Variants in KDM2B observed in about 807,000 individuals in gnomAD.
KDM2B encodes the protein lysine demethylase 2B.
A neutral mutation model predicts 150.0 loss-of-function variants in KDM2B; 26 were observed. That is an observed-to-expected ratio of 0.17 (90% confidence interval 0.13 to 0.24). The LOEUF (loss-of-function observed/expected upper bound fraction) is 0.24, where lower values mean the gene tolerates loss of function less well. KDM2B is among the 10% of genes least tolerant of loss of function. KDM2B has a pLI of 1.00. For missense variants in KDM2B, 1,265 were observed against 1,816.9 expected (o/e 0.70, Z 5.52); for synonymous variants, 734 against 729.5 (o/e 1.01, Z -0.10).
At chr12:121,469,733 T>G (rs1555295601) in intron 12 of KDM2B, 1 of 152,118 alleles carries the variant, frequency 6.6e-6, no homozygotes. Context: ...ATGCCAATCA[T>G]GCTTCCACTT....
intron 22 of KDM2B, among the ~76,000 whole-genome samples, chr12:121,434,500 C>CAAAAAAAA (rs1166374523): frequency 1.6e-5 from 1 of 62,284 alleles, no homozygotes. Context: ...GACTCTCTAT[C>CAAAAAAAA]AAAAAAAAAA....
rs180964839 is a variant in KDM2B, at chr12:121,502,050, C to T, written c.1648-7385G>A. Among the ~76,000 whole-genome samples, 18 of 152,256 alleles carry T rather than the reference C, an allele frequency of 1.2e-4. 1 individual carries two copies. The South Asian group carries it at 2.5e-3, about 21-fold the overall frequency. ...GGTGTGTTCCAGGGTCGGGAACTGA[C>T]GACCTCAAGAGAAAAAAGCTGTGAA... On this transcript the variant is annotated intron_variant, in intron 11 of 22. Coordinates refer to ENST00000377071, the MANE Select transcript of KDM2B (RefSeq NM_032590.5).
intron 6 of KDM2B, among the ~76,000 whole-genome samples, chr12:121,543,591 C>T (rs372332724): frequency 6.6e-6 from 1 of 151,866 alleles, no homozygotes; most frequent in South Asian, 2.1e-4. Flanking sequence ...TTTGGGAGGT[C>T]GAGGTGGGCA....
chr12:121,419,492 A>G, the KDM2B span, among the ~76,000 whole-genome samples: 1 of 152,238 alleles, frequency 6.6e-6, no homozygotes, highest in African/African-American at 2.4e-5. Flanking sequence ...CATAAGGCAC[A>G]GCTGACTTAC....
At chr12:121,471,010 T>G (rs1555295849) in intron 12 of KDM2B, among the ~76,000 whole-genome samples, 3 of 152,248 alleles carry the variant, frequency 2.0e-5, no homozygotes, top group East Asian at 1.9e-4. Flanking sequence ...GCAAAATGCT[T>G]CTTCTCTATT....
At position 121,467,581 on chromosome 12, in the gene KDM2B, G is replaced by C. The variant is rs2139511296; in HGVS notation, c.1735-14237C>G. ...CCCTCGCGGCCGGAGCGCGGGGACT[G>C]GGGCTGCGTGGGGGCGTGCCCCGCG... On this transcript the variant is annotated intron_variant, in intron 12 of 22. Transcript: ENST00000377071. The surrounding 1 kb of genome is among the most constrained non-coding windows in gnomAD (Gnocchi z 5.1). 6.7e-6 allele frequency: 1 copy of C among 149,120 alleles called. No individual in the cohort carries two copies. The highest frequency in any genetic ancestry group is 2.4e-5 in the African/African-American group (1 of 41,104). 9.2% of individuals were successfully genotyped at this position (149,120 alleles called of 1,614,324 possible).
chr12:121,442,951 CCG>C lies in KDM2B; in HGVS notation c.2604+39_2604+40del. ...CCAGGGAGCTGCGGTGCAGCTCTAA[CCG>C]CTCAGGCCTGGGGCACAGGAGGGAG... On this transcript the variant is annotated intron_variant, in intron 18 of 22. Coordinates refer to ENST00000377071, the MANE Select transcript of KDM2B (RefSeq NM_032590.5). The surrounding 1 kb of genome is among the most constrained non-coding windows in gnomAD (Gnocchi z 7.7). 6.2e-7 allele frequency: 1 copy of C among 1,610,198 alleles called. No individual in the cohort carries two copies. The highest frequency in any genetic ancestry group is 1.7e-4 in the Middle Eastern group (1 of 5,908).
intron 8 of KDM2B, among the ~76,000 whole-genome samples, chr12:121,529,972 T>A (rs1204809073): frequency 6.7e-6 from 1 of 149,408 alleles, no homozygotes; most frequent in African/African-American, 2.5e-5. Context: ...CTCACGCCTG[T>A]AATCCCAGCA....
intron 12 of KDM2B, among the ~76,000 whole-genome samples, chr12:121,457,377 T>G (rs1878430725): frequency 6.6e-6 from 1 of 152,090 alleles, no homozygotes; most frequent in Non-Finnish European, 1.5e-5. Context: ...TTCTTGTGCT[T>G]CAGCCTCCCG....
chr12:121,410,761 A>C, the KDM2B span, among the ~76,000 whole-genome samples: 2 of 152,160 alleles, frequency 1.3e-5, no homozygotes, highest in African/African-American at 4.8e-5. Flanking sequence ...GATTTTGCCC[A>C]AATTTAAGTT....
chr12:121,465,232 T>C (rs1163867512), intron 12 of KDM2B, among the ~76,000 whole-genome samples: 2 of 152,212 alleles, frequency 1.3e-5, no homozygotes, highest in African/African-American at 4.8e-5. Context: ...TTTGTTTTTG[T>C]TTTTGTTTTT....
rs1555289502 is a variant in KDM2B, at chr12:121,444,204, CA to C, written c.2258del (p.Met753ArgfsTer48). The C allele has an allele frequency of 6.2e-7, 1 of 1,613,364 alleles. No homozygotes were observed. The highest frequency in any genetic ancestry group is 2.2e-5 in the East Asian group (1 of 44,888). ...CCTGCCCTTCCTTGTTGTCCCGGTT[CA>C]TCTTCTGCTCCTTGAGCAGGGAGCC... ...LPGSLLKEQKMNRDNKEGQEP... is the reference protein window; with the variant it reads ...LPGSLLKEQKXNRDNKEGQEP... On this transcript the variant is annotated frameshift_variant, in exon 16 of 23. Coordinates refer to ENST00000377071, the MANE Select transcript of KDM2B (RefSeq NM_032590.5). LOFTEE classifies it high-confidence loss of function.
chr12:121,526,183 C>A (rs1887113732), intron 8 of KDM2B, among the ~76,000 whole-genome samples: 1 of 152,158 alleles, frequency 6.6e-6, no homozygotes, highest in South Asian at 2.1e-4. Flanking sequence ...GAAACCCCGT[C>A]TCTACTAAAA....
At chr12:121,552,676 T>TA (rs5801436) in intron 4 of KDM2B, among the ~76,000 whole-genome samples, 77,934 of 131,752 alleles carry the variant, frequency 0.59, 23,794 homozygotes, top group African/African-American at 0.8. Context: ...CTGTCTTAAT[T>TA]AAAAAAAAAA....
chr12:121,433,322 G>A lies in KDM2B; in HGVS notation c.3830-2853C>T, dbSNP rs536690629. ...TGTTTCCTGCTGGCGCGTGGGGCCC[G>A]CCTGCCCGCCCGCCAGCCTGTGGAG... On this transcript the variant is annotated intron_variant, in intron 22 of 22. Transcript: ENST00000377071. 4.9e-4 allele frequency: 193 copies of A among 392,462 alleles called. 2 individuals carry two copies. The highest frequency in any genetic ancestry group is 3.3e-3 in the African/African-American group (159 of 48,082). The allele number at this position is 392,462 out of a possible 1,614,324, so 24.3% of individuals were successfully genotyped here.
At chr12:121,562,177 G>GA (rs1158916476) in intron 4 of KDM2B, among the ~76,000 whole-genome samples, 319 of 147,774 alleles carry the variant, frequency 2.2e-3, no homozygotes, top group African/African-American at 7.0e-3. Flanking sequence ...CTGTCTTGGG[G>GA]AAAAAAAAAA....
At chr12:121,444,668 G>C (rs3817549) in intron 14 of KDM2B, 132 bp from the exon 15 acceptor site, 280,911 of 741,234 alleles carry the variant, frequency 0.38, 55,398 homozygotes, top group Admixed American at 0.43. Context: ...CCGTTTCCAG[G>C]CAAAAGAAAA....
intron 12 of KDM2B, among the ~76,000 whole-genome samples, chr12:121,456,922 A>G (rs1555292911): frequency 2.0e-5 from 3 of 152,182 alleles, no homozygotes; most frequent in Non-Finnish European, 4.4e-5. Flanking sequence ...CCGCTGCCAA[A>G]TCAGGCCAGG....
At chr12:121,437,942 G>A (rs1457116890) in intron 22 of KDM2B, among the ~76,000 whole-genome samples, 1 of 151,336 alleles carries the variant, frequency 6.6e-6, no homozygotes, top group African/African-American at 2.4e-5. Context: ...ATATGCCTTA[G>A]TATACTTCAC....
Sources: allele counts gnomAD v4.1 joint callset (sites outside exome capture counted in the v4.1 genomes callset), GRCh38; gene constraint gnomAD v4.1.1; non-coding constraint Gnocchi (gnomAD v3.1); transcripts MANE v1.5; gene names NCBI Gene and HGNC (gene_info 2026-07-23, HGNC 2026-07-21).